SETBP1: variants seen among roughly 807,000 people sequenced by gnomAD.
The protein encoded by SETBP1 is SET binding protein 1, also known as SET-binding protein.
In SETBP1, 9 loss-of-function variants were observed where a neutral mutation model predicts 101.0. The ratio of observed to expected loss-of-function variants is 0.09; its 90% CI spans 0.05 to 0.16. SETBP1 has a LOEUF of 0.16. Ranked by LOEUF, SETBP1 falls within the 10% of genes least tolerant of loss-of-function variation. SETBP1 has a pLI of 1.00. For missense variants in SETBP1, 1,858 were observed against 2,033.8 expected, an observed-to-expected ratio of 0.91 and a Z score of 1.66; for synonymous variants, 818 against 788.5, an observed-to-expected ratio of 1.04 and a Z score of -0.63.
At chr18:44,919,504 C>A (rs1483218780) in intron 3 of SETBP1, among the ~76,000 whole-genome samples, 1 of 152,024 alleles carries the variant, frequency 6.6e-6, no homozygotes, top group Non-Finnish European at 1.5e-5. Flanking sequence ...TGCACACCAC[C>A]ACACCCAGCT....
At chr18:44,956,286 G>A (rs938304642) in intron 4 of SETBP1, among the ~76,000 whole-genome samples, 5 of 151,784 alleles carry the variant, frequency 3.3e-5, no homozygotes, top group African/African-American at 4.8e-5. Context: ...AATATCTTTA[G>A]CATCACATAG....
chr18:44,849,040 A>G (rs1051044067), intron 2 of SETBP1, among the ~76,000 whole-genome samples: 24 of 152,318 alleles, frequency 1.6e-4, no homozygotes, highest in African/African-American at 5.1e-4. Flanking sequence ...TCATGCATTT[A>G]TTATTACAAG....
At chr18:45,031,395 A>G (rs1053048313) in intron 4 of SETBP1, among the ~76,000 whole-genome samples, 1 of 152,066 alleles carries the variant, frequency 6.6e-6, no homozygotes, top group Non-Finnish European at 1.5e-5. Context: ...CAATATGTAA[A>G]CTCCTTTAAT....
chr18:44,880,507 G>A (rs976887897), intron 3 of SETBP1, among the ~76,000 whole-genome samples: 10 of 152,174 alleles, frequency 6.6e-5, no homozygotes, highest in Non-Finnish European at 1.3e-4. Context: ...GGCTGTTCTT[G>A]TATCGTTATA....
At chr18:44,786,670 A>G (rs1475540450) in intron 2 of SETBP1, among the ~76,000 whole-genome samples, 1 of 152,232 alleles carries the variant, frequency 6.6e-6, no homozygotes, top group Non-Finnish European at 1.5e-5. Flanking sequence ...CTTTGGGCAA[A>G]GAGAAACTGC....
intron 2 of SETBP1, among the ~76,000 whole-genome samples, chr18:44,865,413 C>G (rs1195811560): frequency 6.6e-6 from 1 of 152,168 alleles, no homozygotes; most frequent in Non-Finnish European, 1.5e-5. Context: ...CCTGAGCCCA[C>G]TGGGGACACA....
intron 4 of SETBP1, among the ~76,000 whole-genome samples, chr18:44,963,322 A>G (rs185745645): frequency 2.0e-5 from 3 of 152,314 alleles, no homozygotes; most frequent in Admixed American, 1.3e-4. Flanking sequence ...TATTTTACAT[A>G]CAAAGGGAGC....
chr18:44,990,677 G>A (rs72913313), intron 4 of SETBP1, among the ~76,000 whole-genome samples: 1,997 of 149,962 alleles, frequency 0.013, 24 homozygotes, highest in Non-Finnish European at 0.021. Context: ...CCACACACAC[G>A]TTGGCTCTAC....
At chr18:44,906,762 T>A (rs1286629593) in intron 3 of SETBP1, among the ~76,000 whole-genome samples, 2 of 152,222 alleles carry the variant, frequency 1.3e-5, no homozygotes, top group African/African-American at 4.8e-5. Context: ...AGGACTAGAC[T>A]AGTTTAAGTA....
intron 4 of SETBP1, among the ~76,000 whole-genome samples, chr18:44,955,668 A>G (rs2145127383): frequency 6.6e-6 from 1 of 152,308 alleles, no homozygotes; most frequent in East Asian, 1.9e-4. Context: ...TTTGATTCTA[A>G]GCCCAGAACT....
chr18:44,946,835 G>A (rs2071218420), intron 3 of SETBP1, among the ~76,000 whole-genome samples: 1 of 152,166 alleles, frequency 6.6e-6, no homozygotes, highest in African/African-American at 2.4e-5. Flanking sequence ...CCACCTAGCA[G>A]TATAAAGACT....
At chr18:44,707,498 C>A (rs942569536) in intron 2 of SETBP1, among the ~76,000 whole-genome samples, 1 of 152,188 alleles carries the variant, frequency 6.6e-6, no homozygotes, top group African/African-American at 2.4e-5. Flanking sequence ...AGGACTTCAA[C>A]CTTATACCCA....
At chr18:44,909,088 T>C (rs549707914) in intron 3 of SETBP1, among the ~76,000 whole-genome samples, 2 of 152,272 alleles carry the variant, frequency 1.3e-5, no homozygotes, top group East Asian at 1.9e-4. Flanking sequence ...GAATTCTAGA[T>C]GTGTAAAGGA....
At chr18:44,749,860 T>A (rs1305400850) in intron 2 of SETBP1, among the ~76,000 whole-genome samples, 1 of 152,254 alleles carries the variant, frequency 6.6e-6, no homozygotes, top group Non-Finnish European at 1.5e-5. Flanking sequence ...TGTTGTTTTC[T>A]GACTTCTCTG....
intron 4 of SETBP1, among the ~76,000 whole-genome samples, chr18:44,972,087 T>C (rs573846033): frequency 3.9e-5 from 6 of 152,232 alleles, no homozygotes; most frequent in Non-Finnish European, 2.9e-5. Context: ...TTCAGCTTTC[T>C]ACATATGGCT....
At chr18:44,975,521 A>G (rs1421619208) in intron 4 of SETBP1, among the ~76,000 whole-genome samples, 1 of 152,212 alleles carries the variant, frequency 6.6e-6, no homozygotes, top group African/African-American at 2.4e-5. Flanking sequence ...CAAAGTGAAG[A>G]TACTGTACCT....
intron 3 of SETBP1, among the ~76,000 whole-genome samples, chr18:44,872,533 C>T (rs1370254953): frequency 2.0e-5 from 3 of 152,240 alleles, no homozygotes; most frequent in African/African-American, 4.8e-5. Context: ...TTACTACCCC[C>T]TCTTGCTGGA....
intron 4 of SETBP1, among the ~76,000 whole-genome samples, chr18:44,958,893 T>G (rs2071550815): frequency 6.6e-6 from 1 of 152,180 alleles, no homozygotes; most frequent in African/African-American, 2.4e-5. Context: ...CATACTTATT[T>G]TATTGAGCCT....
chr18:45,060,824 C>T (rs1568057179), intron 5 of SETBP1, among the ~76,000 whole-genome samples: 2 of 152,080 alleles, frequency 1.3e-5, no homozygotes, highest in African/African-American at 2.4e-5. Context: ...AAAAAGACAA[C>T]ACATAGAGTG....
Sources: gnomAD v4.1 joint callset for allele counts (sites outside exome capture counted in the v4.1 genomes callset) on GRCh38, gnomAD v4.1.1 for gene constraint, MANE v1.5 for transcripts, NCBI Gene and HGNC (gene_info 2026-07-23, HGNC 2026-07-21) for gene names.